Variants in LIPJ observed in about 807,000 individuals in gnomAD.
LIPJ encodes the protein lipase member J.
Under a neutral mutation model 39.8 loss-of-function variants are expected in LIPJ, and 33 were observed. That is an observed-to-expected ratio of 0.83 (90% CI 0.63 to 1.11). The LOEUF (loss-of-function observed/expected upper bound fraction) is 1.11. Among genes scored for constraint, LIPJ ranks in the 50% least tolerant of loss-of-function variants. LIPJ has a pLI of 0.00. For synonymous variants in LIPJ, 128 were observed against 139.2 expected, an observed-to-expected ratio of 0.92 and a Z score of 0.57; for missense variants, 422 against 427.9, an observed-to-expected ratio of 0.99 and a Z score of 0.12.
At chr10:88,594,530 ATATAT>A (rs1851188861) in intron 5 of LIPJ, 132 bp from the exon 6 acceptor site, 1 of 481,448 alleles carries the variant, frequency 2.1e-6, no homozygotes, top group African/African-American at 2.0e-5. Flanking sequence ...TATTCAGAAG[ATATAT>A]TATACCGTAT....
At chr10:88,595,344 G>A (rs1035730044) in intron 6 of LIPJ, among the ~76,000 whole-genome samples, 3 of 151,676 alleles carry the variant, frequency 2.0e-5, no homozygotes, top group African/African-American at 4.8e-5. Flanking sequence ...GCATGGTACT[G>A]TAAACCTCTT....
Position 88,605,613 on chromosome 10 carries a change from AT to A in LIPJ, c.796-14del. ...TGTAATGAACAAATGATATGGTCTT[AT>A]TTTTTGTTTCTCTTTCAGCTTTTAA... On this transcript the variant is annotated intron_variant, in intron 9 of 10. Transcript: ENST00000371939. 1 of 1,572,920 alleles carries A rather than the reference AT, an allele frequency of 6.4e-7. No homozygotes were observed. The highest frequency in any genetic ancestry group is 8.7e-7 in the Non-Finnish European group (1 of 1,144,080).
At chr10:88,590,816 T>C in intron 3 of LIPJ, 120 bp downstream of exon 3, 1 of 684,528 alleles carries the variant, frequency 1.5e-6, no homozygotes, top group Non-Finnish European at 2.5e-6. Context: ...TTAATATTTC[T>C]CATCTGCTAT....
chr10:88,583,317 C>T, upstream of LIPJ: 1 of 1,434,608 alleles, frequency 7.0e-7, no homozygotes, highest in Non-Finnish European at 9.1e-7. Context: ...GACCTGGGCC[C>T]TGAGCTTTCC....
intron 8 of LIPJ, among the ~76,000 whole-genome samples, chr10:88,601,145 A>G (rs1041526253): frequency 2.0e-5 from 3 of 151,768 alleles, no homozygotes; most frequent in Admixed American, 6.6e-5. Context: ...GATGGGGTTC[A>G]CCATATTGGT....
chr10:88,583,292 C>T, upstream of LIPJ: 1 of 1,536,638 alleles, frequency 6.5e-7, no homozygotes, highest in Non-Finnish European at 8.7e-7. Flanking sequence ...TCTTTGGTTC[C>T]GTGCTCCCTG....
upstream of LIPJ, chr10:88,583,189 A>G (rs953995764): frequency 6.2e-7 from 1 of 1,613,764 alleles, no homozygotes; most frequent in Non-Finnish European, 8.5e-7. Context: ...CACCTGCGCC[A>G]TGGCGAGAGG....
chr10:88,605,804 C>A (rs1441453122), intron 10 of LIPJ, 100 bp downstream of exon 10: 20 of 724,596 alleles, frequency 2.8e-5, no homozygotes, highest in Non-Finnish European at 4.9e-6. Context: ...TACAATAACA[C>A]ACTGATTAAG....
At chr10:88,597,003 C>A in intron 8 of LIPJ, 67 bp downstream of exon 8, 2 of 892,680 alleles carry the variant, frequency 2.2e-6, no homozygotes, top group Non-Finnish European at 3.4e-6. Flanking sequence ...AATAATAGTG[C>A]TTGTGTTATA....
chr10:88,597,321 A>T (rs1237253935), intron 8 of LIPJ, among the ~76,000 whole-genome samples: 1 of 151,700 alleles, frequency 6.6e-6, no homozygotes, highest in Admixed American at 6.6e-5. Context: ...ATCCTTGTTG[A>T]TCCTTCCATA....
At chr10:88,602,679 T>G in intron 9 of LIPJ, 32 bp downstream of exon 9, 1 of 1,374,634 alleles carries the variant, frequency 7.3e-7, no homozygotes, top group Non-Finnish European at 1.0e-6. Flanking sequence ...TCCATACAAT[T>G]TAATTCATGC....
intron 3 of LIPJ, 32 bp downstream of exon 3, chr10:88,590,728 G>A (rs762688786): frequency 1.3e-6 from 2 of 1,548,314 alleles, no homozygotes; most frequent in Admixed American, 3.4e-5. Context: ...CTGGACTGCT[G>A]AAATAACAGA....
At chr10:88,585,558 A>C (rs971345057), upstream of LIPJ, 2 of 152,182 alleles carry the variant, frequency 1.3e-5, no homozygotes, top group Middle Eastern at 3.2e-3. Flanking sequence ...CACTCTGCCC[A>C]CTGTGAACGT....
At chr10:88,611,243 T>C (rs1411695169), downstream of LIPJ, among the ~76,000 whole-genome samples, 1 of 152,216 alleles carries the variant, frequency 6.6e-6, no homozygotes, top group Non-Finnish European at 1.5e-5. Context: ...GAGCACCCCA[T>C]GGGACAAAGT....
the LIPJ span, among the ~76,000 whole-genome samples, chr10:88,613,135 CA>C: frequency 5.6e-4 from 85 of 152,124 alleles, 1 homozygote; most frequent in African/African-American, 1.9e-3. Flanking sequence ...GGGCAGTGGG[CA>C]GAGGATTTAG....
At chr10:88,594,103 C>A (rs1362489800) in exon 5 of LIPJ, 1 of 1,611,598 alleles carries the variant, frequency 6.2e-7, no homozygotes, top group Non-Finnish European at 8.5e-7. Flanking sequence ...CCAGGAAACA[C>A]TTGTACCTAG....
At chr10:88,596,687 T>C (rs778175432) in intron 7 of LIPJ, 103 bp from the exon 8 acceptor site, 37 of 1,120,946 alleles carry the variant, frequency 3.3e-5, no homozygotes, top group Admixed American at 7.2e-5. Flanking sequence ...TTCAAACTAC[T>C]GTGAGATAAT....
At chr10:88,583,102 A>T (rs752142693), upstream of LIPJ, 1 of 1,614,058 alleles carries the variant, frequency 6.2e-7, no homozygotes, top group Non-Finnish European at 8.5e-7. Flanking sequence ...CCACACAGCA[A>T]GGTACAAGGG....
upstream of LIPJ, chr10:88,583,596 G>C: frequency 1.0e-6 from 1 of 998,784 alleles, no homozygotes; most frequent in Non-Finnish European, 1.2e-6. Flanking sequence ...TGGGATTTTT[G>C]CTGTTTTACT....
Sources: allele counts gnomAD v4.1 joint callset (sites outside exome capture counted in the v4.1 genomes callset), GRCh38; gene constraint gnomAD v4.1.1; transcripts MANE v1.5; gene names NCBI Gene and HGNC (gene_info 2026-07-23, HGNC 2026-07-21).